Variants in KCNQ3 observed in about 807,000 individuals in gnomAD.
KCNQ3 encodes potassium voltage-gated channel subfamily Q member 3, also known as potassium voltage-gated channel subfamily KQT member 3.
KCNQ3 carries 30 observed loss-of-function variants against 92.5 expected under a neutral mutation model. The observed-to-expected ratio is 0.32, with a 90% CI of 0.24 to 0.44. The LOEUF (loss-of-function observed/expected upper bound fraction) is 0.44, where lower values mean the gene tolerates loss of function less well. Ranked by LOEUF, KCNQ3 falls within the 20% of genes least tolerant of loss-of-function variation. KCNQ3 has a pLI of 1.00. For missense variants in KCNQ3, 913 were observed against 1,140.3 expected, an observed-to-expected ratio of 0.80 and a Z score of 2.87; for synonymous variants, 450 against 468.8, an observed-to-expected ratio of 0.96 and a Z score of 0.52.
chr8:132,355,901 T>C (rs1433585135), intron 1 of KCNQ3, among the ~76,000 whole-genome samples: 2 of 152,238 alleles, frequency 1.3e-5, no homozygotes, highest in African/African-American at 4.8e-5. Flanking sequence ...ATTGCATGGA[T>C]TCTCCAATGG....
chr8:132,407,261 AC>A (rs1820510388), intron 1 of KCNQ3, among the ~76,000 whole-genome samples: 1 of 152,194 alleles, frequency 6.6e-6, no homozygotes, highest in Non-Finnish European at 1.5e-5. Context: ...GAATGGACCC[AC>A]GATCTTATTT....
intron 1 of KCNQ3, among the ~76,000 whole-genome samples, chr8:132,314,581 G>A (rs1453847284): frequency 1.3e-5 from 2 of 152,092 alleles, no homozygotes; most frequent in African/African-American, 4.8e-5. Flanking sequence ...AAACAATAAG[G>A]TCAAAAATGG....
At chr8:132,460,126 G>T (rs1185235168) in intron 1 of KCNQ3, among the ~76,000 whole-genome samples, 1 of 151,902 alleles carries the variant, frequency 6.6e-6, no homozygotes, top group Non-Finnish European at 1.5e-5. Flanking sequence ...TATATTTCCT[G>T]CCCCATCCTA....
chr8:132,465,637 G>A (rs1183881983), intron 1 of KCNQ3, among the ~76,000 whole-genome samples: 2 of 152,262 alleles, frequency 1.3e-5, no homozygotes, highest in East Asian at 1.9e-4. Context: ...CCAGCTACTC[G>A]GCAGGCTGAG....
Position 132,175,578 on chromosome 8 carries a change from G to A in KCNQ3, c.808C>T (p.Leu270=). 1 of 1,614,190 alleles carries A rather than the reference G, an allele frequency of 6.2e-7. No individual in the cohort carries two copies. Among genetic ancestry groups the A allele is most frequent in the Non-Finnish European group, 8.5e-7 (1 of 1,180,024 alleles). ...ELITAWYIGF[L]TLILSSFLVY... is the part of the protein sequence containing the mutation. ...AGAAATGAAGAAAGGATGAGTGTCA[G>A]GAAACCGATGTACCAGGCCGTGATG... Residue 270 remains leucine (L), a synonymous_variant, in exon 5 of 15, where the codon CTG becomes TTG. Coordinates refer to ENST00000388996, the MANE Select transcript of KCNQ3 (RefSeq NM_004519.4).
chr8:132,479,361 C>G (rs1822489222), intron 1 of KCNQ3, among the ~76,000 whole-genome samples: 1 of 152,106 alleles, frequency 6.6e-6, no homozygotes, highest in African/African-American at 2.4e-5. Context: ...CCAGCCAAAG[C>G]AGGAGAAGCA....
chr8:132,460,777 T>A (rs2130858098), intron 1 of KCNQ3, among the ~76,000 whole-genome samples: 1 of 152,338 alleles, frequency 6.6e-6, no homozygotes, highest in African/African-American at 2.4e-5. Context: ...TTTTGTGCCA[T>A]GAAGTTCTGT....
intron 1 of KCNQ3, among the ~76,000 whole-genome samples, chr8:132,326,944 C>T (rs76289342): frequency 0.012 from 1,851 of 152,296 alleles, 28 homozygotes; most frequent in Middle Eastern, 0.095. Flanking sequence ...GTCCTCTTTC[C>T]CTGTTTCATT....
At chr8:132,210,251 G>A (rs1449306842) in intron 1 of KCNQ3, among the ~76,000 whole-genome samples, 2 of 152,144 alleles carry the variant, frequency 1.3e-5, no homozygotes, top group African/African-American at 2.4e-5. Context: ...TCTCCAGAAG[G>A]AAGAAATCAC....
chr8:132,136,588 T>A (rs538848975), intron 12 of KCNQ3, among the ~76,000 whole-genome samples: 30 of 152,342 alleles, frequency 2.0e-4, no homozygotes, highest in African/African-American at 7.2e-4. Context: ...TGTGTGTTTC[T>A]GAATAAGCAT....
rs1485424757 is a variant in KCNQ3 at position 132,258,179 on chromosome 8, G to C, written c.387-71998C>G. ...AGACTAGACATAACAGACAACTATA[G>C]AACAATCCACCCAACAACAGCAGAA... On this transcript the variant is annotated intron_variant, in intron 1 of 14. Coordinates refer to ENST00000388996, the MANE Select transcript of KCNQ3 (RefSeq NM_004519.4). 3.9e-5 allele frequency among the ~76,000 whole-genome samples: 6 copies of C among 152,162 alleles called. No homozygotes were observed. The East Asian group carries it at 1.2e-3, about 29-fold the overall frequency.
intron 9 of KCNQ3, among the ~76,000 whole-genome samples, chr8:132,142,676 T>C (rs140577546): frequency 1.3e-3 from 192 of 152,296 alleles, no homozygotes; most frequent in African/African-American, 4.5e-3. Flanking sequence ...CATGTACTTG[T>C]GAAATAAATG....
chr8:132,287,955 TA>T (rs1278850973), intron 1 of KCNQ3, among the ~76,000 whole-genome samples: 1 of 152,176 alleles, frequency 6.6e-6, no homozygotes, highest in Non-Finnish European at 1.5e-5. Flanking sequence ...ACCCTCATTT[TA>T]AAAAAATTGA....
At chr8:132,461,567 A>T (rs1822062994) in intron 1 of KCNQ3, among the ~76,000 whole-genome samples, 2 of 152,162 alleles carry the variant, frequency 1.3e-5, no homozygotes, top group African/African-American at 4.8e-5. Context: ...CTCCGTCTCA[A>T]AAAAAAGAAA....
chr8:132,174,867 C>T (rs1826497087), intron 5 of KCNQ3, among the ~76,000 whole-genome samples: 1 of 152,178 alleles, frequency 6.6e-6, no homozygotes, highest in Non-Finnish European at 1.5e-5. Context: ...GCCTCCGGAG[C>T]CTAACTATCT....
intron 1 of KCNQ3, among the ~76,000 whole-genome samples, chr8:132,402,832 A>C (rs945303167): frequency 2.6e-5 from 4 of 151,966 alleles, no homozygotes; most frequent in African/African-American, 4.8e-5. Flanking sequence ...CCTGGCCAAC[A>C]TGGTGAAACC....
chr8:132,341,774 G>A (rs1346256723), intron 1 of KCNQ3, among the ~76,000 whole-genome samples: 1 of 152,144 alleles, frequency 6.6e-6, no homozygotes, highest in Non-Finnish European at 1.5e-5. Flanking sequence ...GTGGAAAAAA[G>A]AGACATTCAG....
intron 1 of KCNQ3, among the ~76,000 whole-genome samples, chr8:132,411,140 T>A (rs1486788691): frequency 6.6e-6 from 1 of 152,172 alleles, no homozygotes; most frequent in African/African-American, 2.4e-5. Flanking sequence ...ACTGTAAACA[T>A]GCATAAAGGT....
intron 1 of KCNQ3, among the ~76,000 whole-genome samples, chr8:132,386,875 G>C (rs1319239200): frequency 6.6e-6 from 1 of 152,060 alleles, no homozygotes; most frequent in African/African-American, 2.4e-5. Context: ...ACATTTTGGG[G>C]AGCATTACAT....
Sources: allele counts gnomAD v4.1 joint callset (sites outside exome capture counted in the v4.1 genomes callset), GRCh38; gene constraint gnomAD v4.1.1; transcripts MANE v1.5; gene names NCBI Gene and HGNC (gene_info 2026-07-23, HGNC 2026-07-21).